Variants in CCDC112 observed in about 807,000 individuals in gnomAD.
The protein encoded by CCDC112 is coiled-coil domain containing 112, also known as coiled-coil domain-containing protein 112.
CCDC112 carries 40 observed loss-of-function variants against 66.3 expected under a neutral mutation model. The observed-to-expected ratio is 0.60, with a 90% CI of 0.47 to 0.79. The LOEUF (loss-of-function observed/expected upper bound fraction) is 0.79. Ranked by LOEUF, CCDC112 falls within the 30% of genes least tolerant of loss-of-function variation. CCDC112 has a pLI of 0.00. For synonymous variants in CCDC112, 214 were observed against 197.2 expected (o/e 1.09, Z -0.71); for missense variants, 659 against 603.8 (o/e 1.09, Z -0.96).
intron 1 of CCDC112, chr5:115,288,993 CT>C (rs34023512): frequency 0.14 from 33,842 of 247,024 alleles, 4 homozygotes; most frequent in South Asian, 0.27. Context: ...GATTGGCTTC[CT>C]TTTTTTTTTT....
Position 115,276,016 on chromosome 5 carries a change from A to C in CCDC112, c.505T>G (p.Phe169Val). The C allele has an allele frequency of 3.1e-6, 5 of 1,604,880 alleles. No individual in the cohort carries two copies. In the South Asian group the frequency reaches 5.6e-5, roughly 18 times the overall value. ...TACATCAACCTCTGCTCTTCTTTAAAAGTGTTAATTGCATTTTCAATTTCT... is the reference window on the plus strand; with the variant it reads ...TACATCAACCTCTGCTCTTCTTTAACAGTGTTAATTGCATTTTCAATTTCT... Reference protein sequence around the residue: ...MEEIENAINTFKEEQRLIYEE... With the variant: ...MEEIENAINTVKEEQRLIYEE... Residue 169 changes from phenylalanine (F) to valine (V), a missense_variant, in exon 5 of 10, where the codon TTT (phenylalanine) becomes GTT (valine). Phe to Val is a conservative substitution (Grantham distance 50, BLOSUM62 -1). Coordinates refer to ENST00000379611, the MANE Select transcript of CCDC112 (RefSeq NM_001040440.3).
chr5:115,289,309 T>G (rs1749820514), intron 1 of CCDC112: 1 of 157,998 alleles, frequency 6.3e-6, no homozygotes, highest in Non-Finnish European at 1.4e-5. Context: ...CCCCTTCTGC[T>G]GAGCTGACTT....
chr5:115,296,195 C>G (rs1302918056), intron 1 of CCDC112: 25 of 1,272,346 alleles, frequency 2.0e-5, no homozygotes, highest in Non-Finnish European at 2.4e-5. Flanking sequence ...TAGGAAGCGG[C>G]AGAGCCGGGT....
chr5:115,288,715 C>G (rs985350175), intron 1 of CCDC112, among the ~76,000 whole-genome samples: 3 of 152,194 alleles, frequency 2.0e-5, no homozygotes, highest in African/African-American at 7.2e-5. Context: ...GAATGCTATG[C>G]TGACACCCAA....
chr5:115,296,611 T>G lies in CCDC112; in HGVS notation c.-68A>C. 1.5e-6 allele frequency: 2 copies of G among 1,351,556 alleles called. No individual in the cohort carries two copies. Among genetic ancestry groups the G allele is most frequent in the Non-Finnish European group, 1.9e-6 (2 of 1,051,636 alleles). The allele number at this position is 1,351,556 out of a possible 1,614,324, so 83.7% of individuals were successfully genotyped here. A position where few individuals can be genotyped will look rare whatever the true frequency, so the allele number is the denominator to read the frequency against. The stretch of plus-strand genomic sequence containing the variant: ...CTGGGGATTCGTGGCAGGCGCACCC[T>G]GGCCTCTGCAGACAGCTCCCTGCGC... On this transcript the variant is annotated 5_prime_UTR_variant, in exon 1 of 10. Transcript: ENST00000379611.
At chr5:115,273,708 T>G (rs1163022872) in intron 6 of CCDC112, among the ~76,000 whole-genome samples, 1 of 152,166 alleles carries the variant, frequency 6.6e-6, no homozygotes, top group African/African-American at 2.4e-5. Context: ...CTAGAGGACT[T>G]GGTAAAGCAC....
chr5:115,291,384 T>C (rs1052878497), intron 1 of CCDC112, among the ~76,000 whole-genome samples: 1 of 152,148 alleles, frequency 6.6e-6, no homozygotes, highest in East Asian at 1.9e-4. Flanking sequence ...TGTTTGCTAG[T>C]ATTTTGTTGA....
chr5:115,274,767 G>A (rs1247905868), intron 6 of CCDC112, among the ~76,000 whole-genome samples: 1 of 151,856 alleles, frequency 6.6e-6, no homozygotes, highest in Non-Finnish European at 1.5e-5. Flanking sequence ...ATTTTTTCTT[G>A]AGACTAGGTC....
chr5:115,291,439 T>C (rs1204280321), intron 1 of CCDC112, among the ~76,000 whole-genome samples: 1 of 152,218 alleles, frequency 6.6e-6, no homozygotes. Context: ...TCTGTATTTT[T>C]CTTTCTTGTG....
rs1749359451 is a variant in CCDC112, at chr5:115,279,596, T to C, written c.361+51A>G. The C allele has an allele frequency of 4.4e-6, 7 of 1,592,262 alleles. No individual in the cohort carries two copies. In the East Asian group the frequency reaches 1.6e-4, roughly 36 times the overall value. ...ACAAAGACAAAGCACAGGGTAAAAC[T>C]ACAACTTTATATCGCTCAACAGTTT... is the stretch of plus-strand genomic sequence containing the variant. On this transcript the variant is annotated intron_variant, in intron 3 of 9. Transcript: ENST00000379611.
Position 115,271,426 on chromosome 5 carries a change from A to C in CCDC112, c.1119T>G (p.Cys373Trp). 6.2e-7 allele frequency: 1 copy of C among 1,609,990 alleles called. No homozygotes were observed. Among genetic ancestry groups the C allele is most frequent in the Non-Finnish European group, 8.5e-7 (1 of 1,179,184 alleles). Reference sequence around the variant, plus strand: ...CTTCTTCTTCTTTTAACTGGGAAGCACATTTCATTGACATTTCTATACTTT... The same window carrying C: ...CTTCTTCTTCTTTTAACTGGGAAGCCCATTTCATTGACATTTCTATACTTT... ...KQKSIEMSMK[C>W]ASQLKEEEEK... Residue 373 changes from cysteine (C) to tryptophan (W), a missense_variant, in exon 7 of 10, where the codon TGT (cysteine) becomes TGG (tryptophan). Transcript: ENST00000379611.
intron 7 of CCDC112, among the ~76,000 whole-genome samples, chr5:115,270,804 C>G (rs1580793743): frequency 6.6e-6 from 1 of 152,298 alleles, no homozygotes; most frequent in East Asian, 1.9e-4. Context: ...TTAATAGTCT[C>G]CATCACAAAC....
Position 115,271,410 on chromosome 5 carries a change from C to T in CCDC112, c.1135G>A (p.Glu379Lys). Residue 379 changes from glutamate to lysine, a missense_variant, in exon 7 of 10, where the codon GAA becomes AAA. By Grantham distance (56) the Glu-to-Lys change is moderately conservative. Transcript: ENST00000379611. ...TGTTTTTTCTCTTTCTCTTCTTCTT[C>T]TTTTAACTGGGAAGCACATTTCATT... ...MSMKCASQLK[E>K]EEEKEKKHQK... The T allele has an allele frequency of 6.2e-7, 1 of 1,608,276 alleles. No homozygotes were observed. The highest frequency in any genetic ancestry group is 8.5e-7 in the Non-Finnish European group (1 of 1,178,838).
chr5:115,288,015 T>C (rs1749755367), intron 1 of CCDC112, among the ~76,000 whole-genome samples: 1 of 151,422 alleles, frequency 6.6e-6, no homozygotes, highest in Non-Finnish European at 1.5e-5. Context: ...AGTTTTGCTC[T>C]TGTCATCCAG....
chr5:115,275,253 T>C lies in CCDC112; in HGVS notation c.881A>G (p.Tyr294Cys). The C allele has an allele frequency of 3.1e-6, 5 of 1,611,144 alleles. No individual in the cohort carries two copies. Among genetic ancestry groups the C allele is most frequent in the Non-Finnish European group, 4.2e-6 (5 of 1,179,260 alleles). ...TTCTTCTAGAGCCAGAAACTTTTGA[T>C]ACCATTTTTCATGCTGTTGAACTTC... is the stretch of plus-strand genomic sequence containing the variant. ...QDEVQQHEKW[Y>C]QKFLALEERK... Residue 294 changes from tyrosine (Y) to cysteine (C), a missense_variant, in exon 6 of 10, where the codon TAT (tyrosine) becomes TGT (cysteine). Coordinates refer to ENST00000379611, the MANE Select transcript of CCDC112 (RefSeq NM_001040440.3).
chr5:115,293,722 T>A (rs549711645), intron 1 of CCDC112, among the ~76,000 whole-genome samples: 1 of 152,348 alleles, frequency 6.6e-6, no homozygotes, highest in Non-Finnish European at 1.5e-5. Flanking sequence ...TTAATTTATC[T>A]TAATCACACC....
intron 1 of CCDC112, among the ~76,000 whole-genome samples, chr5:115,286,345 A>G (rs1474888415): frequency 6.6e-6 from 1 of 152,154 alleles, no homozygotes; most frequent in African/African-American, 2.4e-5. Flanking sequence ...TGTTTTCAAG[A>G]TTCATCCGTG....
chr5:115,267,424 A>G lies in CCDC112; in HGVS notation c.*452T>C, dbSNP rs1367558327. On this transcript the variant is annotated 3_prime_UTR_variant, in exon 10 of 10. Coordinates refer to ENST00000379611, the MANE Select transcript of CCDC112 (RefSeq NM_001040440.3). The stretch of plus-strand genomic sequence containing the variant: ...GACAAACTGCCAATTTGTTAAACAT[A>G]GAAAAAGTACTAACATTTCGTAACT... 1 of 157,370 alleles carries G rather than the reference A, an allele frequency of 6.4e-6. No individual in the cohort carries two copies. Among genetic ancestry groups the G allele is most frequent in the Non-Finnish European group, 1.4e-5 (1 of 71,870 alleles). The allele number at this position is 157,370 out of a possible 1,614,324, so 9.7% of individuals were successfully genotyped here. A position where few individuals can be genotyped will look rare whatever the true frequency, so the allele number is the denominator to read the frequency against.
At chr5:115,268,037 C>A in intron 9 of CCDC112, 119 bp from the exon 10 acceptor site, 1 of 768,126 alleles carries the variant, frequency 1.3e-6, no homozygotes, top group South Asian at 1.7e-5. Flanking sequence ...TGTTGTTTGG[C>A]TGGTTCATAT....
Sources: gnomAD v4.1 joint callset for allele counts (sites outside exome capture counted in the v4.1 genomes callset) on GRCh38, gnomAD v4.1.1 for gene constraint, MANE v1.5 for transcripts, NCBI Gene and HGNC (gene_info 2026-07-23, HGNC 2026-07-21) for gene names.